Variants in DOCK3 observed in about 807,000 individuals in gnomAD.
DOCK3 encodes the protein dedicator of cytokinesis protein 3.
Under a neutral mutation model 265.6 loss-of-function variants are expected in DOCK3, and 60 were observed. The observed-to-expected ratio is 0.23, with a 90% CI of 0.18 to 0.28. The LOEUF (loss-of-function observed/expected upper bound fraction) is 0.28. Ranked by LOEUF, DOCK3 falls within the 10% of genes least tolerant of loss-of-function variation. The pLI, the probability that DOCK3 is intolerant of heterozygous loss-of-function variation, is 1.00. For synonymous variants in DOCK3, 881 were observed against 938.0 expected (o/e 0.94, Z 1.11); for missense variants, 1,981 against 2,594.3 (o/e 0.76, Z 5.14).
Position 51,310,269 on chromosome 3 carries a change from T to G in DOCK3, c.2960T>G (p.Leu987Arg). Residue 987 changes from leucine to arginine, a missense_variant, in exon 28 of 53, where the codon CTG becomes CGG. Leu to Arg is a moderately radical substitution (Grantham distance 102, BLOSUM62 -2). This residue lies in a region of DOCK3 where 1,357 missense variants were observed against 1,866.8 expected (regional missense o/e 0.73). Transcript: ENST00000266037. ...AAGATTTTTTGCGTGTTCCGGAACC[T>G]GATGAAGATGAGTGTCTTCCCTCGG... ...LLKIFCVFRN[L>R]MKMSVFPRDW... 6.2e-7 allele frequency: 1 copy of G among 1,606,204 alleles called. No homozygotes were observed. The highest frequency in any genetic ancestry group is 8.5e-7 in the Non-Finnish European group (1 of 1,176,348).
chr3:50,683,282 A>C (rs1051463744), intron 1 of DOCK3, among the ~76,000 whole-genome samples: 28 of 152,338 alleles, frequency 1.8e-4, no homozygotes, highest in African/African-American at 6.5e-4. Context: ...TTCCGTTAAC[A>C]TTAACACTGT....
intron 32 of DOCK3, among the ~76,000 whole-genome samples, chr3:51,325,413 C>CA (rs1474112861): frequency 2.0e-5 from 3 of 152,164 alleles, no homozygotes; most frequent in Non-Finnish European, 4.4e-5. Context: ...CAGGAAACAA[C>CA]AGATGCTGGA....
chr3:50,848,925 C>A (rs1342776103), intron 3 of DOCK3, among the ~76,000 whole-genome samples: 1 of 152,138 alleles, frequency 6.6e-6, no homozygotes, highest in Non-Finnish European at 1.5e-5. Context: ...CTTAGGAATG[C>A]CAGTAATTTA....
chr3:50,721,068 ATTTG>A (rs1188691811), intron 1 of DOCK3, among the ~76,000 whole-genome samples: 1 of 151,520 alleles, frequency 6.6e-6, no homozygotes, highest in East Asian at 1.9e-4. Context: ...TTGCTTGTTA[ATTTG>A]TTTAAGTTCC....
chr3:51,060,535 C>T (rs200737091), intron 5 of DOCK3, among the ~76,000 whole-genome samples: 16 of 152,096 alleles, frequency 1.1e-4, no homozygotes, highest in Non-Finnish European at 2.2e-4. Context: ...TAGGTCAACA[C>T]TTAAGTCTTT....
chr3:51,336,899 C>T (rs556141135), intron 35 of DOCK3: 45 of 456,076 alleles, frequency 9.9e-5, no homozygotes, highest in South Asian at 6.2e-4. Context: ...TAGGTAAAAT[C>T]TCACTGCCCT....
In DOCK3 at chr3:50,981,460, A is replaced by C. The variant is rs184712297; in HGVS notation, c.315+47383A>C. On this transcript the variant is annotated intron_variant, in intron 5 of 52. Transcript: ENST00000266037. The stretch of plus-strand genomic sequence containing the variant: ...TTGGAGAAAATGTTCTGTCTTATCT[A>C]TTCCATCTAAAGTGTAGTTTAAATC... Among the ~76,000 whole-genome samples, 214 of 152,338 alleles carry C rather than the reference A, an allele frequency of 1.4e-3. No homozygotes were observed. In the Middle Eastern group the frequency reaches 0.017, roughly 12 times the overall value.
chr3:50,866,477 CTT>C (rs35832182), intron 3 of DOCK3, among the ~76,000 whole-genome samples: 348 of 141,424 alleles, frequency 2.5e-3, no homozygotes, highest in East Asian at 4.3e-3. Context: ...AAGCGAGACT[CTT>C]TTTTTTTTTT....
chr3:50,917,271 A>T (rs1206985631), intron 4 of DOCK3, among the ~76,000 whole-genome samples: 1 of 152,116 alleles, frequency 6.6e-6, no homozygotes, highest in Non-Finnish European at 1.5e-5. Context: ...TAAAGGTTTG[A>T]TAAAACTTGA....
At chr3:50,787,546 C>T in intron 2 of DOCK3, 1 of 715,856 alleles carries the variant, frequency 1.4e-6, no homozygotes, top group South Asian at 1.6e-5. Context: ...AAACAAAAAA[C>T]AACCCTGGGT....
At chr3:51,304,723 C>T (rs2082557525) in intron 27 of DOCK3, among the ~76,000 whole-genome samples, 1 of 152,192 alleles carries the variant, frequency 6.6e-6, no homozygotes, top group African/African-American at 2.4e-5. Context: ...GGCCCCCTTA[C>T]CCCATGTGGC....
intron 5 of DOCK3, among the ~76,000 whole-genome samples, chr3:50,970,151 C>T (rs754155812): frequency 2.0e-5 from 3 of 152,026 alleles, no homozygotes; most frequent in African/African-American, 7.2e-5. Flanking sequence ...AAGTTTCTGC[C>T]GAGAAGTCTG....
intron 5 of DOCK3, among the ~76,000 whole-genome samples, chr3:51,016,803 ATGT>A (rs2079327942): frequency 1.3e-4 from 4 of 29,928 alleles, no homozygotes; most frequent in African/African-American, 4.9e-4. Flanking sequence ...TATATGATAT[ATGT>A]TTATATATAT....
Position 51,041,162 on chromosome 3 carries a change from GTATATATATATATATATATA to G in DOCK3, c.316-23262_316-23243del, listed in dbSNP as rs1167854334. 5.3e-3 allele frequency among the ~76,000 whole-genome samples: 165 copies of G among 30,872 alleles called. 2 individuals are homozygous for G. Among genetic ancestry groups the G allele is most frequent in the East Asian group, 9.6e-3 (6 of 624 alleles). 20.3% of individuals were successfully genotyped at this position (30,872 alleles called of 152,430 possible). On this transcript the variant is annotated intron_variant, in intron 5 of 52. Coordinates refer to ENST00000266037, the MANE Select transcript of DOCK3 (RefSeq NM_004947.5). Reference sequence around the variant, plus strand: ...TATGGCACCTACAGCCTTACAAAATGTATATATATATATATATATATATATATATATATATATATATATTT... The same window carrying G: ...TATGGCACCTACAGCCTTACAAAATGTATATATATATATATATATATATTT...
At chr3:51,161,940 CCTT>C (rs1261703881) in intron 12 of DOCK3, among the ~76,000 whole-genome samples, 1 of 152,132 alleles carries the variant, frequency 6.6e-6, no homozygotes, top group East Asian at 1.9e-4. Flanking sequence ...CAGTCCATCT[CCTT>C]CTAACTTGTT....
chr3:50,847,662 T>G (rs2046147933), intron 3 of DOCK3, among the ~76,000 whole-genome samples: 1 of 152,058 alleles, frequency 6.6e-6, no homozygotes, highest in South Asian at 2.1e-4. Context: ...GGTGGGCAGA[T>G]CATTTGTGGC....
chr3:51,236,209 C>T lies in DOCK3; in HGVS notation c.1918-136C>T, dbSNP rs558321890. On this transcript the variant is annotated intron_variant, in intron 19 of 52. Coordinates refer to ENST00000266037, the MANE Select transcript of DOCK3 (RefSeq NM_004947.5). The stretch of plus-strand genomic sequence containing the variant: ...TGGGTGGAGGGTCAGGGTACTAGTA[C>T]GATGATTTTTAAGTGGTATTTTGAG... The T allele has an allele frequency of 6.9e-5, 49 of 709,988 alleles. 1 individual carries two copies. Among genetic ancestry groups the T allele is most frequent in the African/African-American group, 6.1e-4 (34 of 55,868 alleles). The allele number at this position is 709,988 out of a possible 1,614,324, so 44.0% of individuals were successfully genotyped here. A position where few individuals can be genotyped will look rare whatever the true frequency, so the allele number is the denominator to read the frequency against.
chr3:51,276,742 A>G (rs2080840006), intron 25 of DOCK3, among the ~76,000 whole-genome samples: 1 of 152,144 alleles, frequency 6.6e-6, no homozygotes, highest in South Asian at 2.1e-4. Context: ...GCACATGGTA[A>G]ATGTTTAGTG....
chr3:51,284,370 A>G (rs946914883), intron 27 of DOCK3, among the ~76,000 whole-genome samples: 4 of 152,202 alleles, frequency 2.6e-5, no homozygotes, highest in African/African-American at 9.6e-5. Context: ...GGTTTATGCC[A>G]TGCATCAAGT....
Sources: gnomAD v4.1 joint callset for allele counts (sites outside exome capture counted in the v4.1 genomes callset) on GRCh38, gnomAD v4.1.1 for gene constraint, gnomAD v4.1.1 regional missense constraint, MANE v1.5 for transcripts, NCBI Gene and HGNC (gene_info 2026-07-23, HGNC 2026-07-21) for gene names.